The following ASB18 variants were observed in gnomAD, a reference collection of about 807,000 sequenced individuals.
ASB18 encodes the protein ankyrin repeat and SOCS box containing 18.
ASB18 carries 33 observed loss-of-function variants against 33.4 expected under a neutral mutation model. That is an observed-to-expected ratio of 0.99 (90% CI 0.75 to 1.32). The LOEUF is 1.32. Among genes scored for constraint, ASB18 ranks in the 40% most tolerant of loss-of-function variants. The pLI is 0.00. For missense variants in ASB18, 694 were observed against 655.5 expected, an observed-to-expected ratio of 1.06 and a Z score of -0.64; for synonymous variants, 295 against 307.6, an observed-to-expected ratio of 0.96 and a Z score of 0.43.
chr2:236,243,329 C>CAAAA (rs34711903), intron 1 of ASB18, among the ~76,000 whole-genome samples: 1 of 109,120 alleles, frequency 9.2e-6, no homozygotes, highest in Non-Finnish European at 1.9e-5. Context: ...GACTCCATCT[C>CAAAA]AAAAAAAAAA....
chr2:236,196,276 A>G lies in ASB18; in HGVS notation c.1211T>C (p.Phe404Ser). The change falls in exon 5 of 6, where the codon TTC becomes TCC. Residue 404 changes from phenylalanine to serine, a missense_variant. Transcript: ENST00000409749. The surrounding 1 kb of genome is among the most constrained non-coding windows in gnomAD (Gnocchi z 5.6). The part of the protein sequence containing the change: ...SWKEVIPEEV[F>S]QMHKPFYQSL... The stretch of plus-strand genomic sequence containing the variant: ...GCAGAAAGGCAGCCCTCTTGCCTGG[A>G]ATACTTCCTCAGGAATCACTTCCTT... 1 of 1,539,830 alleles carries G rather than the reference A, an allele frequency of 6.5e-7. No individual in the cohort carries two copies. The highest frequency in any genetic ancestry group is 8.8e-7 in the Non-Finnish European group (1 of 1,134,974).
chr2:236,227,696 T>C (rs1220853347), intron 3 of ASB18, among the ~76,000 whole-genome samples: 1 of 152,262 alleles, frequency 6.6e-6, no homozygotes, highest in Non-Finnish European at 1.5e-5. Flanking sequence ...ATTTTGCCTC[T>C]TTTCTTAGTA....
In ASB18 at chr2:236,241,924, A is replaced by G. The variant is rs1002210018; in HGVS notation, c.206-522T>C. On this transcript the variant is annotated intron_variant, in intron 1 of 5. Transcript: ENST00000409749. This position sits in a 1 kb window ranked among gnomAD's most constrained non-coding sequence, Gnocchi z 4.2. ...CCTGTTTATGTGGAGTAAGTGACTCACTTACAAAAATGACTTTGGTGACCA... is the reference window on the plus strand; with the variant it reads ...CCTGTTTATGTGGAGTAAGTGACTCGCTTACAAAAATGACTTTGGTGACCA... Among the ~76,000 whole-genome samples the G allele has an allele frequency of 1.3e-5, 2 of 152,220 alleles. No individual in the cohort carries two copies. The highest frequency in any genetic ancestry group is 2.4e-5 in the African/African-American group (1 of 41,450).
Position 236,264,130 on chromosome 2 carries a change from G to C in ASB18, c.205+11C>G, listed in dbSNP as rs200677309. On this transcript the variant is annotated intron_variant, in intron 1 of 5. Transcript: ENST00000409749. This position sits in a 1 kb window ranked among gnomAD's most constrained non-coding sequence, Gnocchi z 5.1. Reference sequence around the variant, plus strand: ...ATTAAATCCCAGATGCAGCAGGCTCGTTCTGGTTACCTAGCAGCATGCCGG... The same window carrying C: ...ATTAAATCCCAGATGCAGCAGGCTCCTTCTGGTTACCTAGCAGCATGCCGG... 3.6e-5 allele frequency: 58 copies of C among 1,612,680 alleles called. No individual in the cohort carries two copies. In the African/African-American group the frequency reaches 5.2e-4, roughly 14 times the overall value.
In ASB18 at chr2:236,255,063, C is replaced by T. The variant is rs1559339214; in HGVS notation, c.205+9078G>A. 6.6e-6 allele frequency among the ~76,000 whole-genome samples: 1 copy of T among 152,182 alleles called. No homozygotes were observed. Among genetic ancestry groups the T allele is most frequent in the Non-Finnish European group, 1.5e-5 (1 of 68,036 alleles). ...CGCGACTGAAAGCTTCCTGAAGTCT[C>T]CCCAGAAGCCGAAGCCGCTACGCTT... On this transcript the variant is annotated intron_variant, in intron 1 of 5. Transcript: ENST00000409749. This position sits in a 1 kb window ranked among gnomAD's most constrained non-coding sequence, Gnocchi z 4.4.
At position 236,256,656 on chromosome 2, in the gene ASB18, A is replaced by C. The variant is rs2060693499; in HGVS notation, c.205+7485T>G. Among the ~76,000 whole-genome samples the C allele has an allele frequency of 1.3e-5, 2 of 152,212 alleles. No homozygotes were observed. The highest frequency in any genetic ancestry group is 4.1e-4 in the South Asian group (2 of 4,828). On this transcript the variant is annotated intron_variant, in intron 1 of 5. Transcript: ENST00000409749. The surrounding 1 kb of genome is among the most constrained non-coding windows in gnomAD (Gnocchi z 4.7). ...GTTAATAGATGGATGTCATCAGCAT[A>C]CATTATTTCTTTATTAGCCCGTTTC...
intron 3 of ASB18, among the ~76,000 whole-genome samples, chr2:236,233,188 C>A (rs1261651507): frequency 6.6e-6 from 1 of 151,948 alleles, no homozygotes; most frequent in Non-Finnish European, 1.5e-5. Context: ...AAACTTATAC[C>A]TCATGATTAT....
In ASB18 at chr2:236,203,034, G is replaced by A. The variant is rs543863262; in HGVS notation, c.1102-6649C>T. Among the ~76,000 whole-genome samples the A allele has an allele frequency of 2.6e-5, 4 of 151,964 alleles. No individual in the cohort carries two copies. Among genetic ancestry groups the A allele is most frequent in the Non-Finnish European group, 4.4e-5 (3 of 68,030 alleles). On this transcript the variant is annotated intron_variant, in intron 4 of 5. Coordinates refer to ENST00000409749, the MANE Select transcript of ASB18 (RefSeq NM_212556.4). This position sits in a 1 kb window ranked among gnomAD's most constrained non-coding sequence, Gnocchi z 6.0. The stretch of plus-strand genomic sequence containing the variant: ...GTATTTGCATTTAGTTTTACAATGT[G>A]TTTCCCAATTATTTGTCCCTGTTAT...
At chr2:236,202,795 AT>A (rs57478388) in intron 4 of ASB18, among the ~76,000 whole-genome samples, 15,175 of 100,618 alleles carry the variant, frequency 0.15, 1,172 homozygotes, top group African/African-American at 0.28. Context: ...AAAAAAAAAA[AT>A]ATATATATAT....
At position 236,204,999 on chromosome 2, in the gene ASB18, C is replaced by T. The variant is rs573384098; in HGVS notation, c.1102-8614G>A. On this transcript the variant is annotated intron_variant, in intron 4 of 5. Transcript: ENST00000409749. This position sits in a 1 kb window ranked among gnomAD's most constrained non-coding sequence, Gnocchi z 5.1. The stretch of plus-strand genomic sequence containing the variant: ...CTCCAAAATATATCCAGGGTCAGAT[C>T]GCCTCCCTTGTCCACACCACCATCA... 3.3e-5 allele frequency among the ~76,000 whole-genome samples: 5 copies of T among 152,296 alleles called. No individual in the cohort carries two copies. Among genetic ancestry groups the T allele is most frequent in the East Asian group, 1.9e-4 (1 of 5,180 alleles).
chr2:236,257,146 A>G lies in ASB18; in HGVS notation c.205+6995T>C, dbSNP rs970529790. ...CAAGGACTTTAGCAAGAATTTTGCA[A>G]TCAGCGTTAATTAAGAAGATGGGAC... On this transcript the variant is annotated intron_variant, in intron 1 of 5. Transcript: ENST00000409749. This position sits in a 1 kb window ranked among gnomAD's most constrained non-coding sequence, Gnocchi z 5.5. Among the ~76,000 whole-genome samples, 8 of 152,238 alleles carry G rather than the reference A, an allele frequency of 5.3e-5. No homozygotes were observed. Among genetic ancestry groups the G allele is most frequent in the African/African-American group, 1.2e-4 (5 of 41,460 alleles).
chr2:236,213,206 G>T lies in ASB18; in HGVS notation c.1101+1156C>A, dbSNP rs2060467063. On this transcript the variant is annotated intron_variant, in intron 4 of 5. Transcript: ENST00000409749. The surrounding 1 kb of genome is among the most constrained non-coding windows in gnomAD (Gnocchi z 4.8). The stretch of plus-strand genomic sequence containing the variant: ...CACCACAAGACAATTACCCAAAGAG[G>T]GGGTGAGACAGCATCGGGAAAGTGC... Among the ~76,000 whole-genome samples the T allele has an allele frequency of 6.6e-6, 1 of 151,962 alleles. No homozygotes were observed. The highest frequency in any genetic ancestry group is 2.1e-4 in the South Asian group (1 of 4,800).
chr2:236,199,495 T>C (rs1041976662), intron 4 of ASB18, among the ~76,000 whole-genome samples: 4 of 149,708 alleles, frequency 2.7e-5, no homozygotes, highest in Middle Eastern at 3.6e-3. Flanking sequence ...GCTATTCTTC[T>C]ATATTTAATA....
rs1188529460 is a variant in ASB18, at chr2:236,196,311, T to TGACA, written c.1172_1175dup (p.Glu393ValfsTer10). On this transcript the variant is annotated frameshift_variant, in exon 5 of 6. Coordinates refer to ENST00000409749, the MANE Select transcript of ASB18 (RefSeq NM_212556.4). LOFTEE classifies it low-confidence loss of function (END_TRUNC). This position sits in a 1 kb window ranked among gnomAD's most constrained non-coding sequence, Gnocchi z 5.6. ...CAGGAATCACTTCCTTCCAGGACTC[T>TGACA]GACAAGCAGAGCTGAGGGTAGGAGT... The TGACA allele has an allele frequency of 1.9e-6, 3 of 1,563,998 alleles. No individual in the cohort carries two copies.
Position 236,262,089 on chromosome 2 carries a change from C to T in ASB18, c.205+2052G>A, listed in dbSNP as rs184312285. ...TGGAAGGAATGTAACTTTCTTATAACAATTTTCATAGTTTCAAGTGTTTGG... is the reference window on the plus strand; with the variant it reads ...TGGAAGGAATGTAACTTTCTTATAATAATTTTCATAGTTTCAAGTGTTTGG... On this transcript the variant is annotated intron_variant, in intron 1 of 5. Coordinates refer to ENST00000409749, the MANE Select transcript of ASB18 (RefSeq NM_212556.4). This position sits in a 1 kb window ranked among gnomAD's most constrained non-coding sequence, Gnocchi z 5.2. 6.6e-6 allele frequency among the ~76,000 whole-genome samples: 1 copy of T among 152,292 alleles called. No homozygotes were observed. Among genetic ancestry groups the T allele is most frequent in the East Asian group, 1.9e-4 (1 of 5,186 alleles).
Position 236,214,846 on chromosome 2 carries a change from T to G in ASB18, c.617A>C (p.Glu206Ala), listed in dbSNP as rs960093731. Residue 206 changes from glutamate (E) to alanine (A), a missense_variant, in exon 4 of 6, where the codon GAG becomes GCG. By Grantham distance (107) the Glu-to-Ala change is moderately radical. Transcript: ENST00000409749. This position sits in a 1 kb window ranked among gnomAD's most constrained non-coding sequence, Gnocchi z 6.5. ...CACGCGCTGCACCGAGGCCCCGTGC[T>G]CCAGCAGCGCCTGCGCGCACCTGTG... ...ASLGCAQALL[E>A]HGASVQRVGG... 68 of 1,212,432 alleles carry G rather than the reference T, an allele frequency of 5.6e-5. No homozygotes were observed. The highest frequency in any genetic ancestry group is 4.8e-4 in the Admixed American group (11 of 22,840). The allele number at this position is 1,212,432 out of a possible 1,614,324, so 75.1% of individuals were successfully genotyped here.
Position 236,263,515 on chromosome 2 carries a change from G to A in ASB18, c.205+626C>T, listed in dbSNP as rs929653298. On this transcript the variant is annotated intron_variant, in intron 1 of 5. Coordinates refer to ENST00000409749, the MANE Select transcript of ASB18 (RefSeq NM_212556.4). This position sits in a 1 kb window ranked among gnomAD's most constrained non-coding sequence, Gnocchi z 4.0. ...TGTCAGAGGGAACAGAAACCCTTGC[G>A]GAAAACAATTTGGAACCAATTTAGA... Among the ~76,000 whole-genome samples, 2 of 152,070 alleles carry A rather than the reference G, an allele frequency of 1.3e-5. No homozygotes were observed. The highest frequency in any genetic ancestry group is 2.9e-5 in the Non-Finnish European group (2 of 68,026).
At chr2:236,236,452 G>A (rs1400889447) in intron 3 of ASB18, among the ~76,000 whole-genome samples, 2 of 152,140 alleles carry the variant, frequency 1.3e-5, no homozygotes, top group African/African-American at 4.8e-5. Context: ...CATGGACTGC[G>A]GGGTGTTGCA....
rs1415243785 is a variant in ASB18, at chr2:236,248,876, C to T, written c.206-7474G>A. The stretch of plus-strand genomic sequence containing the variant: ...AACAGGCCGATTCAATCAATGCCAC[C>T]AGGCAGCATTCAAACTGCAGACCCA... On this transcript the variant is annotated intron_variant, in intron 1 of 5. Transcript: ENST00000409749. The surrounding 1 kb of genome is among the most constrained non-coding windows in gnomAD (Gnocchi z 4.9). 6.6e-6 allele frequency: 1 copy of T among 152,214 alleles called. No individual in the cohort carries two copies. Among genetic ancestry groups the T allele is most frequent in the African/African-American group, 2.4e-5 (1 of 41,462 alleles). The allele number at this position is 152,214 out of a possible 1,614,324, so 9.4% of individuals were successfully genotyped here. A position where few individuals can be genotyped will look rare whatever the true frequency, so the allele number is the denominator to read the frequency against.
Sources: gnomAD v4.1 joint callset for allele counts (sites outside exome capture counted in the v4.1 genomes callset) on GRCh38, gnomAD v4.1.1 for gene constraint, Gnocchi (gnomAD v3.1) non-coding constraint, MANE v1.5 for transcripts, NCBI Gene and HGNC (gene_info 2026-07-23, HGNC 2026-07-21) for gene names.